Variants in UBE2F observed in about 807,000 individuals in gnomAD.
UBE2F encodes the protein NEDD8-conjugating enzyme UBE2F.
UBE2F carries 5 observed loss-of-function variants against 29.6 expected under a neutral mutation model. The ratio of observed to expected loss-of-function variants is 0.17; its 90% CI spans 0.09 to 0.36. UBE2F has a LOEUF of 0.36. UBE2F is among the 10% of genes least tolerant of loss of function. The pLI, the probability that UBE2F is intolerant of heterozygous loss-of-function variation, is 1.00. For missense variants in UBE2F, 141 were observed against 228.5 expected (o/e 0.62, Z 2.47); for synonymous variants, 66 against 81.8 (o/e 0.81, Z 1.04).
At chr2:238,014,618 G>A (rs1329217476) in intron 4 of UBE2F, among the ~76,000 whole-genome samples, 1 of 152,202 alleles carries the variant, frequency 6.6e-6, no homozygotes, top group African/African-American at 2.4e-5. Flanking sequence ...CGCATGGGTA[G>A]TAATCATTCC....
At chr2:237,991,609 C>CTTTTTTTCTTTTTTTTTTTTTTTT (rs2063591208) in intron 3 of UBE2F, among the ~76,000 whole-genome samples, 1 of 53,054 alleles carries the variant, frequency 1.9e-5, no homozygotes, top group Non-Finnish European at 3.5e-5. Context: ...TTCTTTCTTT[C>CTTTTTTTCTTTTTTTTTTTTTTTT]TTTTTTTTTT....
chr2:237,975,093 C>T (rs1314801743), intron 2 of UBE2F, among the ~76,000 whole-genome samples: 1 of 149,540 alleles, frequency 6.7e-6, no homozygotes, highest in Non-Finnish European at 1.5e-5. Flanking sequence ...CAGGTGTTTA[C>T]ATTTCTTTAA....
intron 8 of UBE2F, among the ~76,000 whole-genome samples, chr2:238,034,083 G>T (rs1360454173): frequency 6.6e-6 from 1 of 151,930 alleles, no homozygotes; most frequent in African/African-American, 2.4e-5. Flanking sequence ...GCAACTTGCT[G>T]CAGGGGAATT....
chr2:238,016,571 G>T lies in UBE2F; in HGVS notation c.220G>T (p.Gly74Cys). Residue 74 changes from glycine to cysteine, a missense_variant, in exon 5 of 10, where the codon GGT becomes TGT. Transcript: ENST00000272930. ...TGTTTTGTGTTTTTTGATAGATGAG[G>T]GTTACTACCAGGGTGGAAAATTTCA... is the stretch of plus-strand genomic sequence containing the variant. ...CFQLTVTPDE[G>C]YYQGGKFQFE... 1 of 1,611,904 alleles carries T rather than the reference G, an allele frequency of 6.2e-7. No individual in the cohort carries two copies. Among genetic ancestry groups the T allele is most frequent in the Non-Finnish European group, 8.5e-7 (1 of 1,179,130 alleles).
chr2:237,997,517 A>T (rs2063715189), intron 4 of UBE2F, among the ~76,000 whole-genome samples: 1 of 152,230 alleles, frequency 6.6e-6, no homozygotes, highest in African/African-American at 2.4e-5. Flanking sequence ...GCTCCTCTTC[A>T]TATTGAAAAC....
chr2:238,023,770 C>A (rs7581395), intron 5 of UBE2F, among the ~76,000 whole-genome samples: 2 of 152,220 alleles, frequency 1.3e-5, no homozygotes, highest in African/African-American at 4.8e-5. Context: ...GTGGGAGGTC[C>A]TGGAGAAGAG....
intron 3 of UBE2F, among the ~76,000 whole-genome samples, chr2:237,989,715 G>A (rs2063544709): frequency 6.6e-6 from 1 of 152,104 alleles, no homozygotes; most frequent in African/African-American, 2.4e-5. Flanking sequence ...TATAAAATAT[G>A]TTTCTTACTG....
intron 8 of UBE2F, among the ~76,000 whole-genome samples, chr2:238,032,824 T>G (rs2064615981): frequency 6.6e-6 from 1 of 152,168 alleles, no homozygotes; most frequent in African/African-American, 2.4e-5. Flanking sequence ...TAGTTACCCC[T>G]TTTTTCTATT....
chr2:237,975,663 T>C (rs763224312), intron 2 of UBE2F, among the ~76,000 whole-genome samples: 5 of 152,018 alleles, frequency 3.3e-5, no homozygotes, highest in African/African-American at 4.8e-5. Context: ...GACTTAACAG[T>C]GTCCTCTTTT....
intron 4 of UBE2F, among the ~76,000 whole-genome samples, chr2:238,002,490 G>A (rs2063816754): frequency 6.6e-6 from 1 of 152,098 alleles, no homozygotes; most frequent in Non-Finnish European, 1.5e-5. Context: ...TCCTGCCTCG[G>A]CCTCCCAAAG....
intron 4 of UBE2F, among the ~76,000 whole-genome samples, chr2:238,005,633 T>C (rs2063886301): frequency 6.6e-6 from 1 of 151,870 alleles, no homozygotes; most frequent in Non-Finnish European, 1.5e-5. Flanking sequence ...TTTTTTGCAT[T>C]GTCCATTTCT....
intron 4 of UBE2F, among the ~76,000 whole-genome samples, chr2:238,014,748 C>T (rs1559219371): frequency 6.6e-6 from 1 of 152,172 alleles, no homozygotes; most frequent in Non-Finnish European, 1.5e-5. Flanking sequence ...CTGTGTTGTG[C>T]CACAGTGGTC....
chr2:237,973,285 GA>G, intron 2 of UBE2F, 60 bp downstream of exon 2: 1 of 1,575,962 alleles, frequency 6.3e-7, no homozygotes, highest in South Asian at 1.1e-5. Flanking sequence ...TTTGACTGGA[GA>G]GTCTTTGGGG....
intron 5 of UBE2F, among the ~76,000 whole-genome samples, chr2:238,020,019 C>T (rs919171462): frequency 2.0e-5 from 3 of 152,168 alleles, no homozygotes; most frequent in Non-Finnish European, 4.4e-5. Flanking sequence ...TGTGGGGCAA[C>T]TTCTAGGGGC....
intron 2 of UBE2F, among the ~76,000 whole-genome samples, chr2:237,985,614 G>A (rs1020029111): frequency 8.5e-5 from 13 of 152,168 alleles, no homozygotes; most frequent in Non-Finnish European, 1.5e-5. Context: ...TGACACTTAG[G>A]TTATTTCCAT....
At chr2:237,998,152 T>C (rs572126035) in intron 4 of UBE2F, among the ~76,000 whole-genome samples, 17 of 152,314 alleles carry the variant, frequency 1.1e-4, no homozygotes, top group Non-Finnish European at 2.4e-4. Context: ...ATAATCAGTT[T>C]TACTGAGGTA....
intron 4 of UBE2F, among the ~76,000 whole-genome samples, chr2:238,005,701 T>A (rs564188011): frequency 4.2e-4 from 64 of 152,230 alleles, no homozygotes; most frequent in Admixed American, 3.3e-3. Context: ...TTTGTTGACA[T>A]TACATGACTA....
chr2:237,995,653 A>C (rs959198208), intron 4 of UBE2F, among the ~76,000 whole-genome samples: 1 of 152,240 alleles, frequency 6.6e-6, no homozygotes, highest in African/African-American at 2.4e-5. Flanking sequence ...GTAGGTGGCA[A>C]TGAACCCACA....
chr2:237,988,011 A>G lies in UBE2F; in HGVS notation c.148+19A>G, dbSNP rs1457676981. 3 of 1,474,018 alleles carry G rather than the reference A, an allele frequency of 2.0e-6. No homozygotes were observed. The highest frequency in any genetic ancestry group is 2.7e-6 in the Non-Finnish European group (3 of 1,096,940). The allele number at this position is 1,474,018 out of a possible 1,614,324, so 91.3% of individuals were successfully genotyped here. A position where few individuals can be genotyped will look rare whatever the true frequency, so the allele number is the denominator to read the frequency against. On this transcript the variant is annotated intron_variant, in intron 3 of 9. Coordinates refer to ENST00000272930, the MANE Select transcript of UBE2F (RefSeq NM_080678.3). ...TTACCTTGTAAGTATAGCATCCCCA[A>G]ACACTAAGTACTGTGAAATAATTGC...
Sources: allele counts gnomAD v4.1 joint callset (sites outside exome capture counted in the v4.1 genomes callset), GRCh38; gene constraint gnomAD v4.1.1; transcripts MANE v1.5; gene names NCBI Gene and HGNC (gene_info 2026-07-23, HGNC 2026-07-21).